The following PRSS53 variants were observed in gnomAD, a reference collection of about 807,000 sequenced individuals.
PRSS53 encodes serine protease 53.
A neutral mutation model predicts 62.7 loss-of-function variants in PRSS53; 54 were observed. That is an observed-to-expected ratio of 0.86 (90% CI 0.69 to 1.08). PRSS53 has a LOEUF of 1.08. PRSS53 is among the 50% of genes least tolerant of loss of function. The pLI, the probability that PRSS53 is intolerant of heterozygous loss-of-function variation, is 0.00. For missense variants in PRSS53, 688 were observed against 728.3 expected, an observed-to-expected ratio of 0.94 and a Z score of 0.64; for synonymous variants, 273 against 300.0, an observed-to-expected ratio of 0.91 and a Z score of 0.93.
chr16:31,084,542 G>T lies in PRSS53; in HGVS notation c.1425+16C>A, dbSNP rs746866586. 1.3e-6 allele frequency: 2 copies of T among 1,597,778 alleles called. No individual in the cohort carries two copies. On this transcript the variant is annotated intron_variant, in intron 9 of 10. Coordinates refer to ENST00000280606, the Ensembl canonical transcript of PRSS53. ...CCAGGGGCCTGTTAGGTAAGGTGTG[G>T]GGGCCTGGGGCTCACCTCACAGCTG...
intron 4 of PRSS53, 23 bp from the exon 5 acceptor site, chr16:31,086,514 G>A: frequency 3.1e-6 from 5 of 1,598,978 alleles, no homozygotes; most frequent in Non-Finnish European, 4.3e-6. Context: ...ACGGGGCTGG[G>A]GCTAGAGTCT....
chr16:31,085,239 G>T (rs765518459), exon 7 of PRSS53: 2 of 1,589,888 alleles, frequency 1.3e-6, no homozygotes, highest in Middle Eastern at 1.7e-4. Context: ...CTGGGGACCT[G>T]CTGTCCTCAA....
chr16:31,083,543 A>C, exon 11 of PRSS53: 1 of 1,421,682 alleles, frequency 7.0e-7, no homozygotes, highest in Non-Finnish European at 9.2e-7. Flanking sequence ...CTGAAAGGGT[A>C]AAGGAGGAGG....
Position 31,084,987 on chromosome 16 carries a change from TC to T in PRSS53, c.1071del (p.Thr358ProfsTer8). 1 of 1,574,552 alleles carries T rather than the reference TC, an allele frequency of 6.4e-7. No homozygotes were observed. ...TTCAGGCCCCACTCCTCCGGTCTGG[TC>T]CCCAGCCCTACGCTCCATTCCTCTG... On this transcript the variant is annotated frameshift_variant, in exon 8 of 11. Coordinates refer to ENST00000280606, the Ensembl canonical transcript of PRSS53. LOFTEE classifies it high-confidence loss of function.
Position 31,087,797 on chromosome 16 carries a change from A to C in PRSS53, c.79+9T>G. Reference sequence around the variant, plus strand: ...AGTAAGACCTAGGCCCCGTGTCCCCAGACCTTACCACGCTGAGCGGCTTGA... The same window carrying C: ...AGTAAGACCTAGGCCCCGTGTCCCCCGACCTTACCACGCTGAGCGGCTTGA... On this transcript the variant is annotated intron_variant, in intron 2 of 10. Transcript: ENST00000280606. 6.2e-7 allele frequency: 1 copy of C among 1,614,078 alleles called. No homozygotes were observed. Among genetic ancestry groups the C allele is most frequent in the South Asian group, 1.1e-5 (1 of 91,078 alleles).
At chr16:31,086,826 C>G in exon 4 of PRSS53, 1 of 1,613,640 alleles carries the variant, frequency 6.2e-7, no homozygotes, top group Non-Finnish European at 8.5e-7. Context: ...CCTCTTCGGC[C>G]CCAGGGCTGA....
At chr16:31,084,039 G>C in intron 10 of PRSS53, 80 bp downstream of exon 10, 1 of 1,517,902 alleles carries the variant, frequency 6.6e-7, no homozygotes. Flanking sequence ...AGCTGGAGTG[G>C]GTTAGAACGG....
chr16:31,084,793 G>A, exon 8 of PRSS53: 1 of 1,550,158 alleles, frequency 6.5e-7, no homozygotes, highest in Non-Finnish European at 8.7e-7. Context: ...CTCCTGGGCG[G>A]GCCCGTCCCA....
rs925473744 is a variant in PRSS53 at position 31,088,424 on chromosome 16, A to G, written c.58+328T>C. ...CAGAGGATGGATGAAAAGAAAGGGA[A>G]ACTGAGGCCAGAGGAGCCCAGAGTT... On this transcript the variant is annotated intron_variant, in intron 1 of 10. Coordinates refer to ENST00000280606, the Ensembl canonical transcript of PRSS53. The G allele has an allele frequency of 3.9e-5, 47 of 1,213,894 alleles. No homozygotes were observed. The African/African-American group carries it at 5.4e-4, about 14-fold the overall frequency. The allele number at this position is 1,213,894 out of a possible 1,614,324, so 75.2% of individuals were successfully genotyped here.
chr16:31,088,354 TCACAGGCA>T (rs1214999808), intron 1 of PRSS53: 3 of 1,118,432 alleles, frequency 2.7e-6, no homozygotes, highest in African/African-American at 1.6e-5. Context: ...CCACCGCCCC[TCACAGGCA>T]CACAGGCACC....
At chr16:31,085,242 G>T (rs1399249888) in exon 7 of PRSS53, 1 of 1,586,774 alleles carries the variant, frequency 6.3e-7, no homozygotes, top group East Asian at 2.2e-5. Context: ...GGGACCTGCT[G>T]TCCTCAAGGA....
rs776578572 is a variant in PRSS53 at position 31,086,684 on chromosome 16, G to T, written c.457C>A (p.Pro153Thr). Residue 153 changes from proline to threonine, a missense_variant, in exon 4 of 11, where the codon CCC (proline) becomes ACC (threonine). By Grantham distance (38) the Pro-to-Thr change is conservative. Transcript: ENST00000280606. ...GTGGCCCAGCAGGAGGCTCCAAAGG[G>T]GAAGCGATGGGCGGGCTGGGGCAGG... 1.3e-6 allele frequency: 2 copies of T among 1,553,112 alleles called. No homozygotes were observed. The highest frequency in any genetic ancestry group is 1.7e-6 in the Non-Finnish European group (2 of 1,147,562).
chr16:31,085,087 G>A (rs1054610897), intron 7 of PRSS53, 23 bp downstream of exon 7: 1 of 1,612,980 alleles, frequency 6.2e-7, no homozygotes, highest in South Asian at 1.1e-5. Context: ...AGGGGGCACA[G>A]CAGAGAGGGA....
intron 3 of PRSS53, 55 bp downstream of exon 3, chr16:31,087,482 C>T: frequency 7.1e-7 from 1 of 1,402,076 alleles, no homozygotes; most frequent in Non-Finnish European, 1.0e-6. Context: ...GGGCTTGAGA[C>T]AAATTGTCCA....
At chr16:31,084,321 T>G (rs1303071557) in exon 10 of PRSS53, 5 of 1,612,140 alleles carry the variant, frequency 3.1e-6, no homozygotes, top group Non-Finnish European at 4.2e-6. Context: ...GCACCAGTGG[T>G]GCCCCAGACA....
chr16:31,084,601 C>G, exon 9 of PRSS53: 1 of 1,606,988 alleles, frequency 6.2e-7, no homozygotes, highest in Non-Finnish European at 8.5e-7. Flanking sequence ...ACACACCATC[C>G]CCGGCAGAAT....
chr16:31,084,883 C>T, exon 8 of PRSS53: 1 of 1,547,072 alleles, frequency 6.5e-7, no homozygotes, highest in Non-Finnish European at 8.7e-7. Context: ...CTCCCAGTGT[C>T]ACAGGCTGGG....
chr16:31,085,010 T>G (rs1217000094), exon 8 of PRSS53: 1 of 1,592,840 alleles, frequency 6.3e-7, no homozygotes, highest in Non-Finnish European at 8.5e-7. Flanking sequence ...GCTCCATTCC[T>G]CTGGGGCCTG....
chr16:31,084,925 C>G, exon 8 of PRSS53: 3 of 1,544,584 alleles, frequency 1.9e-6, no homozygotes, highest in Non-Finnish European at 2.6e-6. Context: ...CGTAGCCCCC[C>G]TCAGGGTGGG....
Sources: allele counts gnomAD v4.1 joint callset, GRCh38; gene constraint gnomAD v4.1.1; transcripts MANE v1.5; gene names NCBI Gene and HGNC (gene_info 2026-07-23, HGNC 2026-07-21).